KREMEN1: variants seen among roughly 807,000 people sequenced by gnomAD.
The protein encoded by KREMEN1 is kringle containing transmembrane protein 1, also known as kremen protein 1.
Under a neutral mutation model 46.5 loss-of-function variants are expected in KREMEN1, and 30 were observed. The observed-to-expected ratio is 0.65, with a 90% CI of 0.48 to 0.88. The LOEUF (loss-of-function observed/expected upper bound fraction) is 0.88. Ranked by LOEUF, KREMEN1 falls within the 40% of genes least tolerant of loss-of-function variation. The pLI is 0.00. For missense variants in KREMEN1, 533 were observed against 596.9 expected, an observed-to-expected ratio of 0.89 and a Z score of 1.11; for synonymous variants, 214 against 230.6, an observed-to-expected ratio of 0.93 and a Z score of 0.65.
chr22:29,145,961 G>A lies in KREMEN1; in HGVS notation c.*3849G>A, dbSNP rs914120466. ...TCCTGGCCGGGCTCAGGATCTGCCT[G>A]CAGCCCAGCCAGGCCATCACCCAGC... On this transcript the variant is annotated 3_prime_UTR_variant, in exon 9 of 9. Coordinates refer to ENST00000400335, the MANE Select transcript of KREMEN1 (RefSeq NM_001039570.3). 2.0e-6 allele frequency: 2 copies of A among 985,922 alleles called. No individual in the cohort carries two copies. Among genetic ancestry groups the A allele is most frequent in the Middle Eastern group, 5.2e-4 (1 of 1,936 alleles). 61.1% of individuals were successfully genotyped at this position (985,922 alleles called of 1,614,324 possible).
chr22:29,086,786 T>G (rs1296034487), intron 1 of KREMEN1, among the ~76,000 whole-genome samples: 1 of 152,112 alleles, frequency 6.6e-6, no homozygotes, highest in Non-Finnish European at 1.5e-5. Context: ...TGAGATAGGG[T>G]CTCACTCCAT....
chr22:29,095,153 T>C (rs980910235), intron 2 of KREMEN1, among the ~76,000 whole-genome samples: 3 of 152,164 alleles, frequency 2.0e-5, no homozygotes, highest in Non-Finnish European at 4.4e-5. Context: ...GCTGCCTACA[T>C]TGTTGTGCCT....
intron 3 of KREMEN1, among the ~76,000 whole-genome samples, chr22:29,105,536 G>C (rs1569320208): frequency 1.3e-5 from 2 of 150,762 alleles, no homozygotes; most frequent in Non-Finnish European, 3.0e-5. Context: ...AAGCAAGTTG[G>C]TGTTGCTGAA....
intron 6 of KREMEN1, 73 bp downstream of exon 6, chr22:29,137,747 A>G: frequency 7.9e-7 from 1 of 1,261,128 alleles, no homozygotes; most frequent in South Asian, 1.7e-5. Flanking sequence ...CACCCTTGTG[A>G]CTTGGGCAGT....
exon 10 of KREMEN1, chr22:29,167,207 T>G: frequency 1.0e-6 from 1 of 985,522 alleles, no homozygotes; most frequent in Non-Finnish European, 1.6e-6. Flanking sequence ...TGGTGGGCTC[T>G]CTCTGGCCCA....
At position 29,125,123 on chromosome 22, in the gene KREMEN1, G is replaced by A. The variant is rs1026082382; in HGVS notation, c.478-140G>A. ...CTTGAAATTAAGTGTTGCAAGAGTG[G>A]AAGAAGGGGGAGGTCCCAGGGGAAG... On this transcript the variant is annotated intron_variant, in intron 4 of 8. Coordinates refer to ENST00000400335, the MANE Select transcript of KREMEN1 (RefSeq NM_001039570.3). 5 of 801,118 alleles carry A rather than the reference G, an allele frequency of 6.2e-6. No individual in the cohort carries two copies. The African/African-American group carries it at 6.9e-5, about 11-fold the overall frequency. The allele number at this position is 801,118 out of a possible 1,614,324, so 49.6% of individuals were successfully genotyped here. A position where few individuals can be genotyped will look rare whatever the true frequency, so the allele number is the denominator to read the frequency against.
intron 3 of KREMEN1, among the ~76,000 whole-genome samples, chr22:29,107,258 T>C (rs1325881346): frequency 3.3e-5 from 5 of 150,496 alleles, no homozygotes; most frequent in African/African-American, 1.2e-4. Context: ...AGTTTTGCTC[T>C]TGTTGCCCAG....
chr22:29,153,699 G>T (rs527713624), intron 9 of KREMEN1, among the ~76,000 whole-genome samples: 58 of 152,030 alleles, frequency 3.8e-4, no homozygotes, highest in Non-Finnish European at 7.6e-4. Context: ...AATAGGTACA[G>T]GCTGGGCATG....
intron 1 of KREMEN1, among the ~76,000 whole-genome samples, chr22:29,074,284 G>A (rs947035151): frequency 6.6e-6 from 1 of 152,200 alleles, no homozygotes; most frequent in Admixed American, 6.5e-5. Context: ...GGCGCAGAAG[G>A]GGGAGAGAAA....
chr22:29,130,640 G>A (rs988935082), intron 5 of KREMEN1, among the ~76,000 whole-genome samples: 6 of 152,146 alleles, frequency 3.9e-5, no homozygotes, highest in Non-Finnish European at 5.9e-5. Context: ...TTCCTGTCTA[G>A]AAGTGGAGCA....
chr22:29,078,766 C>A (rs1255925123), intron 1 of KREMEN1, among the ~76,000 whole-genome samples: 1 of 152,136 alleles, frequency 6.6e-6, no homozygotes. Context: ...GAGTGTCTGC[C>A]GCCTGAATAA....
chr22:29,117,767 G>A (rs1262753809), intron 3 of KREMEN1, among the ~76,000 whole-genome samples: 4 of 152,104 alleles, frequency 2.6e-5, no homozygotes, highest in South Asian at 2.1e-4. Flanking sequence ...TTCATAAATC[G>A]ATAACATAGA....
intron 9 of KREMEN1, among the ~76,000 whole-genome samples, chr22:29,166,312 C>G (rs1389703268): frequency 6.6e-6 from 1 of 151,492 alleles, no homozygotes; most frequent in Non-Finnish European, 1.5e-5. Flanking sequence ...GGGCATGGAA[C>G]AGAGAGACAT....
chr22:29,135,067 C>T (rs1433611037), intron 5 of KREMEN1, among the ~76,000 whole-genome samples: 1 of 152,196 alleles, frequency 6.6e-6, no homozygotes, highest in Admixed American at 6.5e-5. Context: ...CTTCTTCTCT[C>T]CCTGGCAGCC....
downstream of KREMEN1, among the ~76,000 whole-genome samples, chr22:29,146,988 G>A (rs972194331): frequency 1.2e-4 from 18 of 152,054 alleles, no homozygotes; most frequent in East Asian, 1.5e-3. Flanking sequence ...TGACAGCTTC[G>A]ACCCACAGCC....
chr22:29,126,425 G>A (rs1039717163), intron 5 of KREMEN1, among the ~76,000 whole-genome samples: 1 of 152,078 alleles, frequency 6.6e-6, no homozygotes, highest in African/African-American at 2.4e-5. Flanking sequence ...GGTGGTTGTC[G>A]GCGATCCTTG....
rs1181875502 is a variant in KREMEN1 at position 29,119,470 on chromosome 22, T to G, written c.353-1887T>G. 2.6e-4 allele frequency among the ~76,000 whole-genome samples: 40 copies of G among 152,216 alleles called. 1 individual carries two copies. Among genetic ancestry groups the G allele is most frequent in the Non-Finnish European group, 1.0e-4 (7 of 68,042 alleles). Reference sequence around the variant, plus strand: ...GGTGTGGGACTGAAAGTTCCAAGCTTTTAATCATGGCTTCATCTTTCTTGT... The same window carrying G: ...GGTGTGGGACTGAAAGTTCCAAGCTGTTAATCATGGCTTCATCTTTCTTGT... On this transcript the variant is annotated intron_variant, in intron 3 of 8. Transcript: ENST00000400335.
intron 2 of KREMEN1, 37 bp from the exon 3 acceptor site, chr22:29,098,825 C>T (rs891425093): frequency 9.0e-6 from 13 of 1,450,964 alleles, no homozygotes; most frequent in Non-Finnish European, 1.2e-5. Context: ...TGAATTAAAA[C>T]ATCAGAAGTC....
intron 3 of KREMEN1, among the ~76,000 whole-genome samples, chr22:29,109,969 C>T (rs1023824085): frequency 6.6e-6 from 1 of 152,186 alleles, no homozygotes. Flanking sequence ...AGTCAACAAA[C>T]GAGCTTTTCT....
Sources: gnomAD v4.1 joint callset for allele counts (sites outside exome capture counted in the v4.1 genomes callset) on GRCh38, gnomAD v4.1.1 for gene constraint, MANE v1.5 for transcripts, NCBI Gene and HGNC (gene_info 2026-07-23, HGNC 2026-07-21) for gene names.